Variants in DCDC2 observed in about 807,000 individuals in gnomAD.
DCDC2 encodes doublecortin domain-containing protein 2.
Under a neutral mutation model 50.2 loss-of-function variants are expected in DCDC2, and 40 were observed. That is an observed-to-expected ratio of 0.80 (90% CI 0.62 to 1.04). DCDC2 has a LOEUF of 1.04. Ranked by LOEUF, DCDC2 falls within the 50% of genes least tolerant of loss-of-function variation. The probability of loss-of-function intolerance (pLI) is 0.00; values close to 1 mark genes in which losing one functional copy is unlikely to be tolerated. For missense variants in DCDC2, 570 were observed against 581.9 expected, an observed-to-expected ratio of 0.98 and a Z score of 0.21; for synonymous variants, 234 against 210.6, an observed-to-expected ratio of 1.11 and a Z score of -0.96.
chr6:24,314,270 C>T (rs1442988012), intron 2 of DCDC2, among the ~76,000 whole-genome samples: 1 of 152,068 alleles, frequency 6.6e-6, no homozygotes, highest in Non-Finnish European at 1.5e-5. Flanking sequence ...GCTCAGAGTT[C>T]GAGACCAGTC....
chr6:24,264,823 G>A (rs1338760411), intron 7 of DCDC2, among the ~76,000 whole-genome samples: 1 of 151,372 alleles, frequency 6.6e-6, no homozygotes, highest in Non-Finnish European at 1.5e-5. Context: ...ACAAAGAGTG[G>A]CCGAATGGAT....
At chr6:24,303,516 A>G (rs1047803294) in intron 2 of DCDC2, among the ~76,000 whole-genome samples, 3 of 152,150 alleles carry the variant, frequency 2.0e-5, no homozygotes, top group African/African-American at 7.2e-5. Context: ...CAGCTCAGTT[A>G]TCACCAATCA....
intron 8 of DCDC2, among the ~76,000 whole-genome samples, chr6:24,192,392 A>G (rs908968667): frequency 6.6e-6 from 1 of 151,324 alleles, no homozygotes; most frequent in African/African-American, 2.4e-5. Flanking sequence ...TCCCCTACCT[A>G]TGCACACAGT....
At chr6:24,327,923 T>G (rs1200890271) in intron 2 of DCDC2, among the ~76,000 whole-genome samples, 1 of 152,224 alleles carries the variant, frequency 6.6e-6, no homozygotes, top group Admixed American at 6.5e-5. Context: ...TTTAGCTTGA[T>G]GCATTCTTTG....
intron 1 of DCDC2, among the ~76,000 whole-genome samples, chr6:24,355,810 C>T (rs1760456997): frequency 6.6e-6 from 1 of 152,048 alleles, no homozygotes; most frequent in Non-Finnish European, 1.5e-5. Context: ...ATACCTAGAA[C>T]TCAATTTAAA....
intron 4 of DCDC2, among the ~76,000 whole-genome samples, chr6:24,300,285 G>A (rs1277787252): frequency 2.0e-5 from 3 of 151,974 alleles, no homozygotes; most frequent in Non-Finnish European, 4.4e-5. Flanking sequence ...GGGAGGTTGA[G>A]GTAAGAGTAT....
At chr6:24,305,759 GC>G (rs1421995952) in intron 2 of DCDC2, among the ~76,000 whole-genome samples, 3 of 151,842 alleles carry the variant, frequency 2.0e-5, no homozygotes, top group Non-Finnish European at 4.4e-5. Context: ...AGGTGCAGTG[GC>G]TTACACCTAT....
At chr6:24,371,808 C>T in the DCDC2 span, among the ~76,000 whole-genome samples, 21 of 152,122 alleles carry the variant, frequency 1.4e-4, no homozygotes, top group African/African-American at 4.6e-4. Context: ...AAAAAGTGGG[C>T]GAAGGATATG....
chr6:24,304,370 C>G (rs1238677269), intron 2 of DCDC2, among the ~76,000 whole-genome samples: 2 of 152,172 alleles, frequency 1.3e-5, no homozygotes, highest in Non-Finnish European at 2.9e-5. Flanking sequence ...GTAGTTCCAG[C>G]TACTCAGGAG....
At chr6:24,255,219 T>G (rs989280161) in intron 7 of DCDC2, among the ~76,000 whole-genome samples, 8 of 151,986 alleles carry the variant, frequency 5.3e-5, no homozygotes, top group Non-Finnish European at 1.2e-4. Flanking sequence ...GGGAGTATTG[T>G]GGCATTTTCA....
chr6:24,233,241 G>C (rs1011833564), intron 7 of DCDC2, among the ~76,000 whole-genome samples: 1 of 152,122 alleles, frequency 6.6e-6, no homozygotes, highest in South Asian at 2.1e-4. Context: ...CAAAATCAAA[G>C]GAGGCTCTGT....
At chr6:24,179,039 A>G (rs1760989974) in intron 8 of DCDC2, among the ~76,000 whole-genome samples, 1 of 151,096 alleles carries the variant, frequency 6.6e-6, no homozygotes, top group Admixed American at 6.6e-5. Flanking sequence ...CCAGAGGAAG[A>G]GGTTTAAAAA....
intron 4 of DCDC2, among the ~76,000 whole-genome samples, chr6:24,294,975 G>C (rs1181411225): frequency 6.6e-6 from 1 of 152,040 alleles, no homozygotes; most frequent in Non-Finnish European, 1.5e-5. Context: ...TATGAGGCCA[G>C]CATCATCCTG....
intron 4 of DCDC2, among the ~76,000 whole-genome samples, 156 bp downstream of exon 4, chr6:24,301,559 G>A (rs1581640539): frequency 6.6e-6 from 1 of 152,124 alleles, no homozygotes; most frequent in Non-Finnish European, 1.5e-5. Context: ...ACAACGCTAT[G>A]AGGTATATCT....
chr6:24,291,038 C>G lies in DCDC2; in HGVS notation c.598G>C (p.Glu200Gln). 6.2e-7 allele frequency: 1 copy of G among 1,613,896 alleles called. No homozygotes were observed. Among genetic ancestry groups the G allele is most frequent in the Non-Finnish European group, 8.5e-7 (1 of 1,179,942 alleles). The change falls in exon 5 of 10, where the codon GAG (glutamate) becomes CAG (glutamine). Residue 200 changes from glutamate (E) to glutamine (Q), a missense_variant. Physicochemically the swap from Glu to Gln is conservative, Grantham distance 29. Coordinates refer to ENST00000378454, the MANE Select transcript of DCDC2 (RefSeq NM_016356.5). Reference sequence around the variant, plus strand: ...ACATAAAACTGCCCATTCTCCAACTCTGCTCCACTCTCAACAAGTTTTCCT... The same window carrying G: ...ACATAAAACTGCCCATTCTCCAACTGTGCTCCACTCTCAACAAGTTTTCCT... ...LEGKLVESGAELENGQFYVAV... is the reference protein window; with the variant it reads ...LEGKLVESGAQLENGQFYVAV...
chr6:24,217,789 T>TATCAGAGTC (rs1400885814), intron 7 of DCDC2, among the ~76,000 whole-genome samples: 1 of 152,228 alleles, frequency 6.6e-6, no homozygotes, highest in East Asian at 1.9e-4. Flanking sequence ...GATAAATTTT[T>TATCAGAGTC]ATCAGAGTCG....
intron 7 of DCDC2, among the ~76,000 whole-genome samples, chr6:24,214,701 T>A (rs1761938885): frequency 6.6e-6 from 1 of 152,238 alleles, no homozygotes; most frequent in Admixed American, 6.5e-5. Context: ...TTGTTCCTTT[T>A]TCCACCCCAG....
At chr6:24,369,950 G>A in the DCDC2 span, among the ~76,000 whole-genome samples, 1 of 152,064 alleles carries the variant, frequency 6.6e-6, no homozygotes, top group Non-Finnish European at 1.5e-5. Flanking sequence ...GCTGAGGTGG[G>A]AGGATCTCTT....
intron 6 of DCDC2, among the ~76,000 whole-genome samples, 160 bp from the exon 7 acceptor site, chr6:24,278,371 A>G (rs1763405968): frequency 6.6e-6 from 1 of 152,204 alleles, no homozygotes; most frequent in Admixed American, 6.5e-5. Flanking sequence ...CTCCAAATGT[A>G]TCTTCCTGGA....
Sources: gnomAD v4.1 joint callset for allele counts (sites outside exome capture counted in the v4.1 genomes callset) on GRCh38, gnomAD v4.1.1 for gene constraint, MANE v1.5 for transcripts, NCBI Gene and HGNC (gene_info 2026-07-23, HGNC 2026-07-21) for gene names.